Variants in ZRANB1 observed in about 807,000 individuals in gnomAD.
ZRANB1 encodes the protein zinc finger RANBP2-type containing 1.
A neutral mutation model predicts 80.5 loss-of-function variants in ZRANB1; 16 were observed. That is an observed-to-expected ratio of 0.20 (90% CI 0.13 to 0.30). The LOEUF (loss-of-function observed/expected upper bound fraction) is 0.30, where lower values mean the gene tolerates loss of function less well. ZRANB1 is among the 10% of genes least tolerant of loss of function. The pLI is 1.00. For missense variants in ZRANB1, 576 were observed against 862.6 expected, an observed-to-expected ratio of 0.67 and a Z score of 4.16; for synonymous variants, 291 against 293.1, an observed-to-expected ratio of 0.99 and a Z score of 0.07.
chr10:124,971,717 TTGAG>T (rs1951827723), intron 2 of ZRANB1, among the ~76,000 whole-genome samples: 1 of 152,232 alleles, frequency 6.6e-6, no homozygotes, highest in African/African-American at 2.4e-5. Context: ...ATGTGCATCT[TTGAG>T]TATTTCCTTG....
At chr10:124,941,046 A>G (rs1004039359), upstream of ZRANB1, among the ~76,000 whole-genome samples, 1 of 152,088 alleles carries the variant, frequency 6.6e-6, no homozygotes, top group African/African-American at 2.4e-5. Context: ...TTAACCCTCT[A>G]GGTTCAGGAA....
At chr10:124,961,703 T>A (rs1951736032) in intron 1 of ZRANB1, among the ~76,000 whole-genome samples, 1 of 152,248 alleles carries the variant, frequency 6.6e-6, no homozygotes, top group Non-Finnish European at 1.5e-5. Context: ...AAGCTTTAAT[T>A]AGTGACTATT....
At chr10:124,919,787 AT>A in the ZRANB1 span, among the ~76,000 whole-genome samples, 1 of 142,140 alleles carries the variant, frequency 7.0e-6, no homozygotes, top group Non-Finnish European at 1.5e-5. Flanking sequence ...AATTTTTTGT[AT>A]TTTTAGTGGA....
intron 1 of ZRANB1, among the ~76,000 whole-genome samples, chr10:124,950,376 G>A (rs899610788): frequency 2.6e-5 from 4 of 152,046 alleles, no homozygotes; most frequent in East Asian, 1.9e-4. Context: ...CGCCCGCCTC[G>A]GTCTCCCAAA....
rs16406 is a variant in ZRANB1 at position 124,985,898 on chromosome 10, CTTCT to C, written c.*907_*910del. ...ATGCCAGAGGGTCTTCGGATTCTTC[CTTCT>C]ATCACCTCTGCTCTAAGCAAATCTT... is the stretch of plus-strand genomic sequence containing the variant. On this transcript the variant is annotated 3_prime_UTR_variant, in exon 9 of 9. Coordinates refer to ENST00000359653, the MANE Select transcript of ZRANB1 (RefSeq NM_017580.3). 0.13 allele frequency: 19,761 copies of C among 152,212 alleles called. 1,699 individuals carry two copies. The highest frequency in any genetic ancestry group is 0.27 in the South Asian group (1,303 of 4,818). 9.4% of individuals were successfully genotyped at this position (152,212 alleles called of 1,614,324 possible).
chr10:124,922,373 C>A, the ZRANB1 span, among the ~76,000 whole-genome samples: 1 of 146,036 alleles, frequency 6.8e-6, no homozygotes, highest in African/African-American at 2.6e-5. Flanking sequence ...GTTGCCCAGG[C>A]TGGAGTGTAT....
At chr10:124,935,306 G>A in the ZRANB1 span, among the ~76,000 whole-genome samples, 1 of 152,204 alleles carries the variant, frequency 6.6e-6, no homozygotes, top group Non-Finnish European at 1.5e-5. Flanking sequence ...TCTGGTCAAG[G>A]ATATAGGAAG....
chr10:124,922,295 TGTA>T, the ZRANB1 span, among the ~76,000 whole-genome samples: 4 of 115,824 alleles, frequency 3.5e-5, no homozygotes, highest in African/African-American at 1.2e-4. Context: ...TATATATATA[TGTA>T]AAATATATAT....
chr10:124,948,641 A>G (rs928080656), intron 1 of ZRANB1, among the ~76,000 whole-genome samples: 6 of 151,760 alleles, frequency 4.0e-5, no homozygotes, highest in African/African-American at 1.5e-4. Flanking sequence ...TGACTGCCGT[A>G]TCTAAAATTT....
At chr10:124,925,892 C>T in the ZRANB1 span, among the ~76,000 whole-genome samples, 1 of 152,312 alleles carries the variant, frequency 6.6e-6, no homozygotes, top group Non-Finnish European at 1.5e-5. Flanking sequence ...GTTGTGCGAA[C>T]ATCATAGAGT....
At position 124,964,104 on chromosome 10, in the gene ZRANB1, T is replaced by A. The variant is rs191889620; in HGVS notation, c.815-2490T>A. Among the ~76,000 whole-genome samples the A allele has an allele frequency of 2.4e-4, 36 of 152,372 alleles. No homozygotes were observed. The East Asian group carries it at 6.9e-3, about 29-fold the overall frequency. On this transcript the variant is annotated intron_variant, in intron 1 of 8. Transcript: ENST00000359653. ...TGGAGTAGGAGGGACTAATTAAGTG[T>A]TTTTGATAATTTTGTATTAGGTCAA...
At chr10:124,935,030 A>G in the ZRANB1 span, among the ~76,000 whole-genome samples, 1 of 152,240 alleles carries the variant, frequency 6.6e-6, no homozygotes, top group Non-Finnish European at 1.5e-5. Flanking sequence ...CATTTAACAA[A>G]TAATTTAGTG....
At chr10:124,970,833 G>GTTTTTTTTTTTT (rs34391929) in intron 2 of ZRANB1, among the ~76,000 whole-genome samples, 1 of 85,378 alleles carries the variant, frequency 1.2e-5, no homozygotes, top group Non-Finnish European at 2.1e-5. Flanking sequence ...TCTCTTTGGG[G>GTTTTTTTTTTTT]TTTTTTTTTT....
chr10:124,951,328 A>G (rs182812818), intron 1 of ZRANB1, among the ~76,000 whole-genome samples: 539 of 152,298 alleles, frequency 3.5e-3, no homozygotes, highest in Non-Finnish European at 5.5e-3. Context: ...AATTAAATTA[A>G]CTTCTGTGAA....
chr10:124,973,121 A>G (rs1951840677), intron 3 of ZRANB1, among the ~76,000 whole-genome samples: 1 of 151,890 alleles, frequency 6.6e-6, no homozygotes, highest in Non-Finnish European at 1.5e-5. Flanking sequence ...ATTTAAGCTT[A>G]CCCCAGAATG....
the ZRANB1 span, among the ~76,000 whole-genome samples, chr10:124,922,283 T>TATATATATATATATGTAAA: frequency 1.6e-4 from 6 of 36,688 alleles, no homozygotes; most frequent in African/African-American, 2.7e-4. Flanking sequence ...ATATGTAAAA[T>TATATATATATATATGTAAA]ATATATATAT....
chr10:124,951,561 C>T (rs1951639032), intron 1 of ZRANB1, among the ~76,000 whole-genome samples: 1 of 152,114 alleles, frequency 6.6e-6, no homozygotes. Context: ...GAAGAGGCTT[C>T]TATTCTCTAG....
At chr10:124,946,795 G>T (rs1293019006) in intron 1 of ZRANB1, among the ~76,000 whole-genome samples, 1 of 152,112 alleles carries the variant, frequency 6.6e-6, no homozygotes. Flanking sequence ...AAAGGCTTGA[G>T]CAGTAAGACT....
At chr10:124,931,439 C>T in the ZRANB1 span, among the ~76,000 whole-genome samples, 5 of 151,746 alleles carry the variant, frequency 3.3e-5, no homozygotes, top group Non-Finnish European at 5.9e-5. Context: ...AGTGTGGTCT[C>T]GGCTCACTGC....
Sources: allele counts gnomAD v4.1 joint callset (sites outside exome capture counted in the v4.1 genomes callset), GRCh38; gene constraint gnomAD v4.1.1; transcripts MANE v1.5; gene names NCBI Gene and HGNC (gene_info 2026-07-23, HGNC 2026-07-21).